MEIS2: variants seen among roughly 807,000 people sequenced by gnomAD.
The protein encoded by MEIS2 is Meis homeobox 2, also known as homeobox protein Meis2.
In MEIS2, 9 loss-of-function variants were observed where a neutral mutation model predicts 58.6. That is an observed-to-expected ratio of 0.15 (90% CI 0.09 to 0.27). The LOEUF is 0.27. Ranked by LOEUF, MEIS2 falls within the 10% of genes least tolerant of loss-of-function variation. The pLI, the probability that MEIS2 is intolerant of heterozygous loss-of-function variation, is 1.00. For synonymous variants in MEIS2, 221 were observed against 228.4 expected (o/e 0.97, Z 0.29); for missense variants, 427 against 635.0 (o/e 0.67, Z 3.52).
At chr15:36,942,084 A>G (rs1464769949) in intron 9 of MEIS2, among the ~76,000 whole-genome samples, 2 of 152,182 alleles carry the variant, frequency 1.3e-5, no homozygotes, top group Non-Finnish European at 2.9e-5. Flanking sequence ...CTTGCAAAGG[A>G]AAAAAGAGAA....
chr15:36,950,775 G>A (rs1443862658), intron 8 of MEIS2, among the ~76,000 whole-genome samples: 1 of 152,060 alleles, frequency 6.6e-6, no homozygotes, highest in Non-Finnish European at 1.5e-5. Context: ...GACAGCCTAT[G>A]TAAAGCCCTT....
chr15:37,094,479 G>C lies in MEIS2; in HGVS notation c.489+48C>G, dbSNP rs1893950396. The stretch of plus-strand genomic sequence containing the variant: ...GTTAAAAACATCCCAACTCAACTAG[G>C]AGAGGGAAATGGTTTAATCAACACG... On this transcript the variant is annotated intron_variant, in intron 5 of 11. Transcript: ENST00000561208. The C allele has an allele frequency of 2.5e-6, 4 of 1,576,570 alleles. No individual in the cohort carries two copies. In the South Asian group the frequency reaches 3.4e-5, roughly 13 times the overall value.
intron 9 of MEIS2, among the ~76,000 whole-genome samples, chr15:36,901,466 C>T (rs893930459): frequency 6.6e-6 from 1 of 152,120 alleles, no homozygotes; most frequent in Non-Finnish European, 1.5e-5. Context: ...GGAGTCATGT[C>T]GCAGACATAA....
intron 9 of MEIS2, among the ~76,000 whole-genome samples, chr15:36,924,501 G>A (rs1205373995): frequency 6.6e-6 from 1 of 152,188 alleles, no homozygotes; most frequent in Non-Finnish European, 1.5e-5. Flanking sequence ...ATCCAAGCTG[G>A]GGTCATGAGA....
At chr15:36,937,163 T>C (rs1210202555) in intron 9 of MEIS2, among the ~76,000 whole-genome samples, 1 of 152,190 alleles carries the variant, frequency 6.6e-6, no homozygotes, top group Non-Finnish European at 1.5e-5. Context: ...GATTTATATA[T>C]TTAAATAGCA....
chr15:37,091,140 C>G (rs571613255), intron 6 of MEIS2, among the ~76,000 whole-genome samples: 1 of 152,096 alleles, frequency 6.6e-6, no homozygotes, highest in Non-Finnish European at 1.5e-5. Flanking sequence ...GTTATTTTTA[C>G]TTTGTGTTTG....
intron 9 of MEIS2, among the ~76,000 whole-genome samples, chr15:36,902,335 C>G (rs1468016032): frequency 6.6e-6 from 1 of 152,204 alleles, no homozygotes; most frequent in Non-Finnish European, 1.5e-5. Flanking sequence ...CCGGATCTTT[C>G]TAAAAATCGG....
At position 37,029,330 on chromosome 15, in the gene MEIS2, A is replaced by G. The variant is rs117662289; in HGVS notation, c.900+7484T>C. Among the ~76,000 whole-genome samples, 21 of 152,320 alleles carry G rather than the reference A, an allele frequency of 1.4e-4. No homozygotes were observed. In the East Asian group the frequency reaches 3.7e-3, roughly 27 times the overall value. ...CTGAATATGAGAAAGACCATCTCTT[A>G]CTGTATAACTAAGGTCAACATTTCC... On this transcript the variant is annotated intron_variant, in intron 8 of 11. Transcript: ENST00000561208.
chr15:36,903,290 T>A (rs2056570935), intron 9 of MEIS2, among the ~76,000 whole-genome samples: 1 of 152,202 alleles, frequency 6.6e-6, no homozygotes, highest in Non-Finnish European at 1.5e-5. Flanking sequence ...ACTATAAAAG[T>A]GATCTTTCAA....
intron 7 of MEIS2, among the ~76,000 whole-genome samples, chr15:37,052,884 A>G (rs2141814925): frequency 6.6e-6 from 1 of 152,362 alleles, no homozygotes. Context: ...AAACATTTTC[A>G]TACCTGATTG....
chr15:37,030,822 T>C (rs551194630), intron 8 of MEIS2, among the ~76,000 whole-genome samples: 1 of 151,924 alleles, frequency 6.6e-6, no homozygotes, highest in Non-Finnish European at 1.5e-5. Flanking sequence ...AAAAAAATTA[T>C]AGAGATGGGG....
At chr15:37,070,337 T>C (rs1202036833) in intron 7 of MEIS2, among the ~76,000 whole-genome samples, 3 of 152,122 alleles carry the variant, frequency 2.0e-5, no homozygotes, top group Non-Finnish European at 2.9e-5. Context: ...GAAGACTCCC[T>C]ACAAAATTAA....
chr15:37,068,155 G>A (rs532430733), intron 7 of MEIS2, among the ~76,000 whole-genome samples: 1 of 152,258 alleles, frequency 6.6e-6, no homozygotes, highest in African/African-American at 2.4e-5. Flanking sequence ...TTGCATGTGG[G>A]AGTCAGAATT....
At chr15:36,988,057 G>C (rs1017942752) in intron 8 of MEIS2, among the ~76,000 whole-genome samples, 1 of 152,056 alleles carries the variant, frequency 6.6e-6, no homozygotes, top group Non-Finnish European at 1.5e-5. Context: ...GATCTAATGA[G>C]GACTATAGTT....
At chr15:37,034,157 C>T (rs1179258777) in intron 8 of MEIS2, among the ~76,000 whole-genome samples, 1 of 152,162 alleles carries the variant, frequency 6.6e-6, no homozygotes, top group African/African-American at 2.4e-5. Context: ...ACCCATGAGG[C>T]TGGGACCGGG....
At chr15:36,991,948 C>T (rs1253121571) in intron 8 of MEIS2, among the ~76,000 whole-genome samples, 7 of 149,722 alleles carry the variant, frequency 4.7e-5, no homozygotes, top group Non-Finnish European at 5.9e-5. Context: ...CCACTACGCC[C>T]GGCTAATTTT....
rs957652925 is a variant in MEIS2 at position 37,098,178 on chromosome 15, C to G, written c.34G>C (p.Gly12Arg). 22 of 1,604,262 alleles carry G rather than the reference C, an allele frequency of 1.4e-5. No individual in the cohort carries two copies. Among genetic ancestry groups the G allele is most frequent in the Non-Finnish European group, 1.9e-5 (22 of 1,174,260 alleles). Residue 12 changes from glycine to arginine, a missense_variant, in exon 2 of 12, where the codon GGC (glycine) becomes CGC (arginine). By Grantham distance (125) the Gly-to-Arg change is moderately radical. Transcript: ENST00000561208. ...GGAACCCCTACTCCGTCCATCCCGC[C>G]GTAATGGGGCAGCTCATCGTACTGT... Reference protein sequence around the residue: ...AQRYDELPHYGGMDGVGVPAS... With the variant: ...AQRYDELPHYRGMDGVGVPAS...
At chr15:37,087,610 A>G (rs1481766882) in intron 6 of MEIS2, among the ~76,000 whole-genome samples, 2 of 150,880 alleles carry the variant, frequency 1.3e-5, no homozygotes, top group Admixed American at 1.3e-4. Context: ...AAAAAAAAAA[A>G]TTGATTTAGC....
chr15:37,037,001 A>C, intron 7 of MEIS2, 42 bp from the exon 8 acceptor site: 1 of 1,565,478 alleles, frequency 6.4e-7, no homozygotes, highest in Non-Finnish European at 8.6e-7. Flanking sequence ...AAACATCGCA[A>C]GGTGCCAACA....
Sources: allele counts gnomAD v4.1 joint callset (sites outside exome capture counted in the v4.1 genomes callset), GRCh38; gene constraint gnomAD v4.1.1; transcripts MANE v1.5; gene names NCBI Gene and HGNC (gene_info 2026-07-23, HGNC 2026-07-21).